SH3KBP1: variants seen among roughly 807,000 people sequenced by gnomAD.
SH3KBP1 encodes SH3 domain-containing kinase-binding protein 1.
Under a neutral mutation model 50.1 loss-of-function variants are expected in SH3KBP1, and 8 were observed. The observed-to-expected ratio is 0.16, with a 90% CI of 0.09 to 0.29. The LOEUF (loss-of-function observed/expected upper bound fraction) is 0.29. Among genes scored for constraint, SH3KBP1 ranks in the 10% least tolerant of loss-of-function variants. The pLI is 1.00. For synonymous variants in SH3KBP1, 227 were observed against 218.6 expected, an observed-to-expected ratio of 1.04 and a Z score of -0.34; for missense variants, 377 against 535.2, an observed-to-expected ratio of 0.70 and a Z score of 2.92.
chrX:19,805,463 T>C (rs919171693), intron 2 of SH3KBP1, among the ~76,000 whole-genome samples: 1 of 108,240 alleles, frequency 9.2e-6, no homozygotes, highest in Non-Finnish European at 1.9e-5. Context: ...TTTCCCTTGT[T>C]CAAATAACAT....
intron 1 of SH3KBP1, among the ~76,000 whole-genome samples, chrX:19,857,736 A>C (rs768692803): frequency 1.6e-4 from 18 of 111,130 alleles, no homozygotes; most frequent in Non-Finnish European, 3.0e-4. Context: ...ACAAACAAAC[A>C]AACAAAAACA....
At chrX:19,555,847 C>A (rs931529679) in intron 13 of SH3KBP1, among the ~76,000 whole-genome samples, 1 of 111,750 alleles carries the variant, frequency 8.9e-6, no homozygotes, top group African/African-American at 3.3e-5. Context: ...ACTGAGGCGT[C>A]TTCCAAGAAG....
In SH3KBP1 at chrX:19,579,944, G is replaced by A. The variant is rs1405887942; in HGVS notation, c.1298+8699C>T. 4.5e-5 allele frequency among the ~76,000 whole-genome samples: 5 copies of A among 111,800 alleles called. No homozygotes were observed. In the Admixed American group the frequency reaches 4.7e-4, roughly 11 times the overall value. ...CCCATGGAGGTCACAGATTTAGTAA[G>A]TGCCTCTCAAGTTGCCAGGCAATGA... On this transcript the variant is annotated intron_variant, in intron 12 of 17. Coordinates refer to ENST00000397821, the MANE Select transcript of SH3KBP1 (RefSeq NM_031892.3).
chrX:19,554,276 T>C (rs1489212547), intron 13 of SH3KBP1, among the ~76,000 whole-genome samples: 2 of 86,577 alleles, frequency 2.3e-5, no homozygotes, highest in African/African-American at 4.5e-5. Flanking sequence ...TTAAAATATA[T>C]ATCATATTAA....
At chrX:19,556,677 C>CT (rs1162370294) in intron 13 of SH3KBP1, among the ~76,000 whole-genome samples, 2 of 110,499 alleles carry the variant, frequency 1.8e-5, no homozygotes, top group African/African-American at 6.6e-5. Flanking sequence ...TTTGGTTTTT[C>CT]TTTTTTTTAG....
chrX:19,627,245 C>A (rs1348366598), intron 8 of SH3KBP1, among the ~76,000 whole-genome samples: 1 of 112,367 alleles, frequency 8.9e-6, no homozygotes, highest in African/African-American at 3.2e-5. Context: ...CCACTCTCCA[C>A]AGCTGGGCTC....
intron 13 of SH3KBP1, among the ~76,000 whole-genome samples, chrX:19,555,511 AG>A (rs2065461433): frequency 8.9e-6 from 1 of 112,316 alleles, no homozygotes; most frequent in Non-Finnish European, 1.9e-5. Context: ...TCACCAGCAG[AG>A]TTCTTTGGGA....
chrX:19,627,486 T>C (rs1415378131), intron 8 of SH3KBP1, among the ~76,000 whole-genome samples: 1 of 112,323 alleles, frequency 8.9e-6, no homozygotes, highest in East Asian at 2.8e-4. Context: ...GGAGTTATTT[T>C]TGAGTGACTG....
In SH3KBP1 at chrX:19,570,911, C is replaced by T. The variant is rs1245204933; in HGVS notation, c.1299-1723G>A. Reference sequence around the variant, plus strand: ...AGTTGAGGCTTCAGTGAGCCGTGATCGTGCCACTGCACTCCAGCCTGTGTG... The same window carrying T: ...AGTTGAGGCTTCAGTGAGCCGTGATTGTGCCACTGCACTCCAGCCTGTGTG... On this transcript the variant is annotated intron_variant, in intron 12 of 17. Transcript: ENST00000397821. Among the ~76,000 whole-genome samples the T allele has an allele frequency of 2.7e-5, 3 of 111,884 alleles. No individual in the cohort carries two copies. In the East Asian group the frequency reaches 8.4e-4, roughly 31 times the overall value.
At chrX:19,577,883 C>T (rs970999661) in intron 12 of SH3KBP1, among the ~76,000 whole-genome samples, 8 of 111,297 alleles carry the variant, frequency 7.2e-5, no homozygotes, top group African/African-American at 1.6e-4. Flanking sequence ...CCCTCTCCGC[C>T]GCCACCCCGT....
chrX:19,860,672 T>A (rs2068756541), intron 1 of SH3KBP1, among the ~76,000 whole-genome samples: 1 of 112,015 alleles, frequency 8.9e-6, no homozygotes, highest in Non-Finnish European at 1.9e-5. Context: ...CCAATCCAAT[T>A]TGAGGGATAC....
At chrX:19,715,947 C>T (rs1447636593) in intron 3 of SH3KBP1, among the ~76,000 whole-genome samples, 1 of 111,474 alleles carries the variant, frequency 9.0e-6, no homozygotes, top group Non-Finnish European at 1.9e-5. Context: ...GGGAAGGCAG[C>T]AACTCCCCAG....
chrX:19,579,490 CAT>C (rs1177681499), intron 12 of SH3KBP1, among the ~76,000 whole-genome samples: 1 of 111,999 alleles, frequency 8.9e-6, no homozygotes, highest in Non-Finnish European at 1.9e-5. Flanking sequence ...TACTCAAAGA[CAT>C]AGCCCATGGA....
intron 6 of SH3KBP1, among the ~76,000 whole-genome samples, chrX:19,680,401 A>C (rs1321099190): frequency 9.2e-6 from 1 of 108,862 alleles, no homozygotes; most frequent in Non-Finnish European, 1.9e-5. Context: ...AAAAAAAAAA[A>C]ACTTCACAAA....
rs1462386003 is a variant in SH3KBP1, at chrX:19,665,078, C to T, written c.726+18745G>A. On this transcript the variant is annotated intron_variant, in intron 6 of 17. Coordinates refer to ENST00000397821, the MANE Select transcript of SH3KBP1 (RefSeq NM_031892.3). Reference sequence around the variant, plus strand: ...AGTTACCCAAGAAGTTCCAGAAAAGCTGCTTCTAATAGAGAGAGACAATGA... The same window carrying T: ...AGTTACCCAAGAAGTTCCAGAAAAGTTGCTTCTAATAGAGAGAGACAATGA... Among the ~76,000 whole-genome samples, 6 of 111,874 alleles carry T rather than the reference C, an allele frequency of 5.4e-5. No homozygotes were observed. In the East Asian group the frequency reaches 1.1e-3, roughly 21 times the overall value.
At chrX:19,610,216 T>C (rs2067370815) in intron 8 of SH3KBP1, among the ~76,000 whole-genome samples, 1 of 111,956 alleles carries the variant, frequency 8.9e-6, no homozygotes, top group Non-Finnish European at 1.9e-5. Context: ...AAAAATGACA[T>C]TGAGAAGTCC....
chrX:19,719,007 C>T (rs1373695560), intron 3 of SH3KBP1, among the ~76,000 whole-genome samples: 3 of 111,793 alleles, frequency 2.7e-5, no homozygotes, highest in African/African-American at 9.8e-5. Context: ...TCGCCCCTCA[C>T]TCATGGGAAC....
intron 2 of SH3KBP1, among the ~76,000 whole-genome samples, chrX:19,818,010 T>G (rs2067411534): frequency 1.8e-5 from 2 of 112,144 alleles, no homozygotes; most frequent in South Asian, 7.3e-4. Flanking sequence ...CTGTGCAGGT[T>G]TGTAGCCTAG....
chrX:19,615,877 G>A (rs1279849943), intron 8 of SH3KBP1, among the ~76,000 whole-genome samples: 1 of 110,015 alleles, frequency 9.1e-6, no homozygotes, highest in African/African-American at 3.3e-5. Flanking sequence ...CATTCCAAAT[G>A]CCAACATCAC....
Sources: allele counts gnomAD v4.1 joint callset (sites outside exome capture counted in the v4.1 genomes callset), GRCh38; gene constraint gnomAD v4.1.1; transcripts MANE v1.5; gene names NCBI Gene and HGNC (gene_info 2026-07-23, HGNC 2026-07-21).